The following ZFHX3 variants were observed in gnomAD, a reference collection of about 807,000 sequenced individuals.
ZFHX3 encodes the protein zinc finger homeobox protein 3.
A neutral mutation model predicts 279.1 loss-of-function variants in ZFHX3; 42 were observed. The ratio of observed to expected loss-of-function variants is 0.15; its 90% CI spans 0.12 to 0.19. The LOEUF (loss-of-function observed/expected upper bound fraction) is 0.19. ZFHX3 is among the 10% of genes least tolerant of loss of function. ZFHX3 has a pLI of 1.00. For missense variants in ZFHX3, 4,981 were observed against 4,754.0 expected, an observed-to-expected ratio of 1.05 and a Z score of -1.40; for synonymous variants, 2,293 against 1,957.8, an observed-to-expected ratio of 1.17 and a Z score of -4.52.
intron 2 of ZFHX3, among the ~76,000 whole-genome samples, chr16:73,472,247 A>G (rs2018680716): frequency 6.7e-6 from 1 of 148,370 alleles, no homozygotes; most frequent in Admixed American, 6.8e-5. Flanking sequence ...CTCTCAGGTC[A>G]GGATTCTACT....
chr16:73,721,217 G>T (rs960548837), intron 1 of ZFHX3, among the ~76,000 whole-genome samples: 5 of 152,188 alleles, frequency 3.3e-5, no homozygotes, highest in African/African-American at 9.6e-5. Context: ...CGCCTCCCGG[G>T]TTCAAGCGAT....
Position 72,829,725 on chromosome 16 carries a change from A to T in ZFHX3, c.3529+54T>A. ...TTCTTCCAGGGAAGGAAAGATGAGA[A>T]GGCTCAAGGACAGCCACACACACTA... On this transcript the variant is annotated intron_variant, in intron 5 of 9. Transcript: ENST00000268489. 2 of 1,587,668 alleles carry T rather than the reference A, an allele frequency of 1.3e-6. 1 individual carries two copies. The highest frequency in any genetic ancestry group is 2.2e-5 in the South Asian group (2 of 90,330).
chr16:73,223,052 C>T (rs746867453), intron 5 of ZFHX3, among the ~76,000 whole-genome samples: 6 of 151,970 alleles, frequency 3.9e-5, no homozygotes, highest in Non-Finnish European at 5.9e-5. Context: ...CTCCTTACAC[C>T]CATCACAAAA....
chr16:73,473,371 A>AAAAAAAAAAAC (rs2018709703), intron 2 of ZFHX3, among the ~76,000 whole-genome samples: 1 of 150,610 alleles, frequency 6.6e-6, no homozygotes, highest in African/African-American at 2.5e-5. Context: ...AAAAAAAAAA[A>AAAAAAAAAAAC]ACAAAATAAT....
intron 3 of ZFHX3, among the ~76,000 whole-genome samples, chr16:73,415,649 T>C (rs1485628403): frequency 6.6e-6 from 1 of 152,224 alleles, no homozygotes; most frequent in Admixed American, 6.5e-5. Context: ...AAAAGATTCA[T>C]AGGCCATTTC....
chr16:73,608,360 C>T (rs761302588), intron 2 of ZFHX3, among the ~76,000 whole-genome samples: 1 of 152,208 alleles, frequency 6.6e-6, no homozygotes, highest in Non-Finnish European at 1.5e-5. Flanking sequence ...CTAACTCACA[C>T]TTGGCTTAAT....
chr16:73,752,644 G>A (rs542128029), intron 1 of ZFHX3, among the ~76,000 whole-genome samples: 163 of 152,244 alleles, frequency 1.1e-3, no homozygotes, highest in South Asian at 2.7e-3. Flanking sequence ...AAAACCGCCT[G>A]GCTGGCCACA....
intron 5 of ZFHX3, among the ~76,000 whole-genome samples, chr16:73,237,444 G>T (rs1471419740): frequency 6.7e-6 from 1 of 148,984 alleles, no homozygotes; most frequent in East Asian, 2.0e-4. Flanking sequence ...TTGCCATGTT[G>T]TCTACCCTGG....
chr16:73,584,415 TAGAC>T (rs2051896629), intron 2 of ZFHX3, among the ~76,000 whole-genome samples: 1 of 152,146 alleles, frequency 6.6e-6, no homozygotes, highest in African/African-American at 2.4e-5. Flanking sequence ...GAGAAACAGA[TAGAC>T]AGCTGACTGC....
chr16:73,638,329 C>T (rs1049449034), intron 2 of ZFHX3, among the ~76,000 whole-genome samples: 2 of 152,122 alleles, frequency 1.3e-5, no homozygotes, highest in Admixed American at 6.5e-5. Context: ...GCTCTTATTG[C>T]TTTGTACAGA....
At chr16:73,098,965 C>A (rs546773791) in intron 7 of ZFHX3, 32 of 152,318 alleles carry the variant, frequency 2.1e-4, no homozygotes, top group African/African-American at 7.5e-4. Context: ...ACAGAATCAC[C>A]TGGGATGAGT....
chr16:73,534,177 C>T lies in ZFHX3; in HGVS notation c.-1546-77919G>A, dbSNP rs541959871. 2.6e-5 allele frequency among the ~76,000 whole-genome samples: 4 copies of T among 152,266 alleles called. No homozygotes were observed. The East Asian group carries it at 5.8e-4, about 22-fold the overall frequency. ...ACTTCTCTTCCCCTTGCCCATTCAG[C>T]TCCAGCCATGGTGAATTCTTCAATG... On this transcript the variant is annotated intron_variant, in intron 2 of 17. Coordinates refer to the ZFHX3 transcript ENST00000641206.
intron 4 of ZFHX3, among the ~76,000 whole-genome samples, chr16:73,271,734 T>C (rs759107420): frequency 9.8e-4 from 149 of 152,222 alleles, no homozygotes; most frequent in Non-Finnish European, 1.5e-3. Flanking sequence ...ATGTCCTGGC[T>C]GATTGACACC....
intron 5 of ZFHX3, among the ~76,000 whole-genome samples, chr16:73,182,460 A>C (rs575061412): frequency 6.6e-6 from 1 of 152,302 alleles, no homozygotes; most frequent in South Asian, 2.1e-4. Flanking sequence ...CTGTCGCAAA[A>C]CAAAACAAAA....
chr16:72,896,317 G>C (rs1255108040), intron 3 of ZFHX3, among the ~76,000 whole-genome samples: 1 of 152,130 alleles, frequency 6.6e-6, no homozygotes, highest in Non-Finnish European at 1.5e-5. Context: ...AGTTTCGCTG[G>C]AAGGGGGACA....
At chr16:73,687,161 G>A (rs1382520308) in intron 1 of ZFHX3, among the ~76,000 whole-genome samples, 1 of 148,700 alleles carries the variant, frequency 6.7e-6, no homozygotes, top group East Asian at 2.0e-4. Flanking sequence ...GGCAGAGGTG[G>A]GCAGATTGCT....
At chr16:73,087,754 T>C (rs1442056393) in intron 8 of ZFHX3, among the ~76,000 whole-genome samples, 3 of 152,140 alleles carry the variant, frequency 2.0e-5, no homozygotes, top group African/African-American at 7.2e-5. Context: ...TTTAATGTGG[T>C]TCAAGGATCA....
chr16:73,089,427 C>T (rs1966045783), intron 8 of ZFHX3, among the ~76,000 whole-genome samples: 1 of 152,136 alleles, frequency 6.6e-6, no homozygotes, highest in South Asian at 2.1e-4. Flanking sequence ...TAGATTGTGT[C>T]CTTGCATCTC....
chr16:73,098,071 A>T (rs1190741325), intron 7 of ZFHX3, among the ~76,000 whole-genome samples: 12 of 143,154 alleles, frequency 8.4e-5, no homozygotes, highest in South Asian at 2.2e-4. Context: ...TTGTGTATCT[A>T]TTTTTTTTTT....
Sources: allele counts gnomAD v4.1 joint callset (sites outside exome capture counted in the v4.1 genomes callset), GRCh38; gene constraint gnomAD v4.1.1; transcripts MANE v1.5; gene names NCBI Gene and HGNC (gene_info 2026-07-23, HGNC 2026-07-21).